Variants in MARCHF4 observed in about 807,000 individuals in gnomAD.
The protein encoded by MARCHF4 is membrane associated ring-CH-type finger 4, also known as E3 ubiquitin-protein ligase MARCHF4.
MARCHF4 carries 14 observed loss-of-function variants against 43.9 expected under a neutral mutation model. That is an observed-to-expected ratio of 0.32 (90% CI 0.21 to 0.50). The LOEUF (loss-of-function observed/expected upper bound fraction) is 0.50, where lower values mean the gene tolerates loss of function less well. Ranked by LOEUF, MARCHF4 falls within the 20% of genes least tolerant of loss-of-function variation. The probability of loss-of-function intolerance (pLI) is 0.98; values close to 1 mark genes in which losing one functional copy is unlikely to be tolerated. For missense variants in MARCHF4, 468 were observed against 536.7 expected (o/e 0.87, Z 1.27); for synonymous variants, 226 against 213.3 (o/e 1.06, Z -0.52).
intron 1 of MARCHF4, among the ~76,000 whole-genome samples, chr2:216,315,467 A>C: frequency 6.6e-6 from 1 of 152,192 alleles, no homozygotes; most frequent in East Asian, 1.9e-4. Context: ...AAATTTAACT[A>C]TCAGGATGTT....
chr2:216,259,383 A>C lies in MARCHF4; in HGVS notation c.1162T>G (p.Leu388Val). Reference sequence around the variant, plus strand: ...GGACTTCGCTGTTCATGAGGTCTCAAGTGACTCAGGATGTGCAGGATGGTA... The same window carrying C: ...GGACTTCGCTGTTCATGAGGTCTCACGTGACTCAGGATGTGCAGGATGGTA... ...AYTILHILSH[L>V]RPHEQRSPPG... is the part of the protein sequence containing the mutation. Residue 388 changes from leucine (L) to valine (V), a missense_variant, in exon 4 of 4, where the codon TTG (leucine) becomes GTG (valine). Transcript: ENST00000273067. 1 of 1,606,546 alleles carries C rather than the reference A, an allele frequency of 6.2e-7. No homozygotes were observed. Among genetic ancestry groups the C allele is most frequent in the Non-Finnish European group, 8.5e-7 (1 of 1,174,606 alleles).
intron 3 of MARCHF4, chr2:216,259,917 CT>C: frequency 1.9e-6 from 1 of 531,280 alleles, no homozygotes; most frequent in Non-Finnish European, 3.4e-6. Flanking sequence ...TCGCCCACTT[CT>C]ACACCACCCC....
At chr2:216,287,151 G>C (rs1691229903) in intron 1 of MARCHF4, among the ~76,000 whole-genome samples, 1 of 152,078 alleles carries the variant, frequency 6.6e-6, no homozygotes. Flanking sequence ...CAGACCCTCA[G>C]CCAAGTCTCC....
chr2:216,329,383 AAAAC>A (rs56726547), intron 1 of MARCHF4, among the ~76,000 whole-genome samples: 2 of 152,034 alleles, frequency 1.3e-5, no homozygotes, highest in African/African-American at 2.4e-5. Flanking sequence ...TCAGTCTCAA[AAAAC>A]AAACAAACAA....
intron 1 of MARCHF4, among the ~76,000 whole-genome samples, chr2:216,287,252 C>T (rs996955648): frequency 4.6e-5 from 7 of 152,066 alleles, no homozygotes; most frequent in Non-Finnish European, 1.0e-4. Flanking sequence ...AGCACATCAG[C>T]GATGTACAAT....
At chr2:216,363,458 C>T (rs1378402605) in intron 1 of MARCHF4, among the ~76,000 whole-genome samples, 1 of 152,198 alleles carries the variant, frequency 6.6e-6, no homozygotes, top group African/African-American at 2.4e-5. Context: ...ATAGCTATAC[C>T]TGTGAAAGAG....
At chr2:216,309,318 C>T (rs967482666) in intron 1 of MARCHF4, among the ~76,000 whole-genome samples, 1 of 152,172 alleles carries the variant, frequency 6.6e-6, no homozygotes, top group African/African-American at 2.4e-5. Context: ...GGTAGAATTA[C>T]CAGATGGTAT....
rs1691263102 is a variant in MARCHF4, at chr2:216,289,005, A to G, written c.517-5276T>C. Among the ~76,000 whole-genome samples the G allele has an allele frequency of 2.0e-5, 3 of 148,446 alleles. No homozygotes were observed. In the Admixed American group the frequency reaches 2.0e-4, roughly 10 times the overall value. ...CCTCCAGATGACACCAGAGGAATTTATATATATCTATATATGAAAATATAT... is the reference window on the plus strand; with the variant it reads ...CCTCCAGATGACACCAGAGGAATTTGTATATATCTATATATGAAAATATAT... On this transcript the variant is annotated intron_variant, in intron 1 of 3. Transcript: ENST00000273067.
At chr2:216,312,563 T>A (rs1691705414) in intron 1 of MARCHF4, among the ~76,000 whole-genome samples, 1 of 152,234 alleles carries the variant, frequency 6.6e-6, no homozygotes, top group Non-Finnish European at 1.5e-5. Flanking sequence ...GTTTTCTGAC[T>A]TTTTACTAAT....
chr2:216,266,338 C>T (rs943049281), intron 3 of MARCHF4, among the ~76,000 whole-genome samples: 1 of 152,086 alleles, frequency 6.6e-6, no homozygotes, highest in African/African-American at 2.4e-5. Flanking sequence ...GTGCCTGGGA[C>T]ACATGTAACA....
intron 1 of MARCHF4, among the ~76,000 whole-genome samples, chr2:216,354,912 TTTCTTTC>T (rs1692464060): frequency 1.1e-5 from 1 of 90,488 alleles, no homozygotes; most frequent in Admixed American, 1.2e-4. Context: ...TCTTTCTTTC[TTTCTTTC>T]TTTCTTTCTT....
At position 216,269,621 on chromosome 2, in the gene MARCHF4, C is replaced by A. The variant is rs2272059; in HGVS notation, c.865+8051G>T. Among the ~76,000 whole-genome samples the A allele has an allele frequency of 1.0e-3, 159 of 152,108 alleles. 5 individuals carry two copies. In the East Asian group the frequency reaches 0.03, roughly 28 times the overall value. On this transcript the variant is annotated intron_variant, in intron 3 of 3. Coordinates refer to ENST00000273067, the MANE Select transcript of MARCHF4 (RefSeq NM_020814.3). ...GAGTGTTCCCTCTGAGGGGAATCCA[C>A]CCTGATCAAGCGCTTCCTACCTGGT...
intron 3 of MARCHF4, among the ~76,000 whole-genome samples, chr2:216,277,294 T>A (rs993049747): frequency 6.6e-6 from 1 of 152,250 alleles, no homozygotes; most frequent in Non-Finnish European, 1.5e-5. Context: ...GTGAAGAGAA[T>A]GGAATGAAAT....
intron 1 of MARCHF4, among the ~76,000 whole-genome samples, chr2:216,345,286 T>A (rs1288125301): frequency 1.3e-5 from 2 of 151,884 alleles, no homozygotes; most frequent in Non-Finnish European, 2.9e-5. Context: ...GAGCAAGGGT[T>A]CAGGGGATGT....
intron 1 of MARCHF4, among the ~76,000 whole-genome samples, chr2:216,338,982 A>G (rs1191546460): frequency 6.6e-6 from 1 of 152,226 alleles, no homozygotes; most frequent in East Asian, 1.9e-4. Flanking sequence ...AAGAAGAGTG[A>G]GACCCAGGCT....
intron 1 of MARCHF4, among the ~76,000 whole-genome samples, chr2:216,289,105 C>T (rs1248629567): frequency 6.7e-6 from 1 of 149,994 alleles, no homozygotes; most frequent in African/African-American, 2.4e-5. Context: ...GAGACAGAGT[C>T]TCGCTCTGTC....
chr2:216,304,140 T>G (rs1017225728), intron 1 of MARCHF4, among the ~76,000 whole-genome samples: 1 of 152,194 alleles, frequency 6.6e-6, no homozygotes, highest in Non-Finnish European at 1.5e-5. Context: ...AGATTTCTAT[T>G]GCTCACCCCA....
chr2:216,264,257 G>A lies in MARCHF4; in HGVS notation c.866-4578C>T, dbSNP rs111742710. Among the ~76,000 whole-genome samples, 1,042 of 152,264 alleles carry A rather than the reference G, an allele frequency of 6.8e-3. 11 individuals are homozygous for A. The highest frequency in any genetic ancestry group is 0.024 in the African/African-American group (981 of 41,544). ...GATCACACCCCTTTGAGGATCTAAC[G>A]AAGGGAAGGACCATCTCTCTGGAGG... On this transcript the variant is annotated intron_variant, in intron 3 of 3. Coordinates refer to ENST00000273067, the MANE Select transcript of MARCHF4 (RefSeq NM_020814.3).
chr2:216,308,978 T>A (rs1400582785), intron 1 of MARCHF4, among the ~76,000 whole-genome samples: 1 of 152,204 alleles, frequency 6.6e-6, no homozygotes, highest in Non-Finnish European at 1.5e-5. Context: ...GCAAAGTACT[T>A]GGAGAGGGAA....
Sources: gnomAD v4.1 joint callset for allele counts (sites outside exome capture counted in the v4.1 genomes callset) on GRCh38, gnomAD v4.1.1 for gene constraint, MANE v1.5 for transcripts, NCBI Gene and HGNC (gene_info 2026-07-23, HGNC 2026-07-21) for gene names.